The following TLN1 variants were observed in gnomAD, a reference collection of about 807,000 sequenced individuals.
TLN1 encodes the protein talin 1.
TLN1 carries 56 observed loss-of-function variants against 292.3 expected under a neutral mutation model. The ratio of observed to expected loss-of-function variants is 0.19; its 90% CI spans 0.15 to 0.24. TLN1 has a LOEUF of 0.24. Ranked by LOEUF, TLN1 falls within the 10% of genes least tolerant of loss-of-function variation. The pLI, the probability that TLN1 is intolerant of heterozygous loss-of-function variation, is 1.00. For missense variants in TLN1, 2,433 were observed against 3,248.2 expected, an observed-to-expected ratio of 0.75 and a Z score of 6.10; for synonymous variants, 1,119 against 1,253.7, an observed-to-expected ratio of 0.89 and a Z score of 2.27.
chr9:35,717,072 G>T lies in TLN1; in HGVS notation c.2458+74C>A, dbSNP rs958769275. The T allele has an allele frequency of 1.1e-5, 17 of 1,511,686 alleles. No individual in the cohort carries two copies. Among genetic ancestry groups the T allele is most frequent in the Non-Finnish European group, 8.9e-6 (10 of 1,122,832 alleles). The allele number at this position is 1,511,686 out of a possible 1,614,324, so 93.6% of individuals were successfully genotyped here. ...TCCTTGGGGTGAAGTGGTTAGGTCC[G>T]CAAGGGGATGATGTCCAGTGGGCTT... On this transcript the variant is annotated intron_variant, in intron 19 of 56. Transcript: ENST00000314888. This position sits in a 1 kb window ranked among gnomAD's most constrained non-coding sequence, Gnocchi z 4.7.
At position 35,719,449 on chromosome 9, in the gene TLN1, C is replaced by G; in HGVS notation, c.1687+70G>C. On this transcript the variant is annotated intron_variant, in intron 15 of 56. Transcript: ENST00000314888. This position sits in a 1 kb window ranked among gnomAD's most constrained non-coding sequence, Gnocchi z 4.6. ...AGGCACAGTCACACATGAAGCCAGTCACATGCATGCCTGTGCACACTTGCA... is the reference window on the plus strand; with the variant it reads ...AGGCACAGTCACACATGAAGCCAGTGACATGCATGCCTGTGCACACTTGCA... The G allele has an allele frequency of 7.0e-7, 1 of 1,428,794 alleles. No homozygotes were observed. The highest frequency in any genetic ancestry group is 9.9e-7 in the Non-Finnish European group (1 of 1,012,880). The allele number at this position is 1,428,794 out of a possible 1,614,324, so 88.5% of individuals were successfully genotyped here.
rs1246910293 is a variant in TLN1, at chr9:35,704,821, A to G, written c.5734-6T>C. Reference sequence around the variant, plus strand: ...TGTTTGATATGGGAACCTATCTGTGAGCCAAGGGAAAGACAGATGGATTTT... The same window carrying G: ...TGTTTGATATGGGAACCTATCTGTGGGCCAAGGGAAAGACAGATGGATTTT... On this transcript the variant is annotated splice_region_variant and splice_polypyrimidine_tract_variant and intron_variant, in intron 43 of 56. Transcript: ENST00000314888. This position sits in a 1 kb window ranked among gnomAD's most constrained non-coding sequence, Gnocchi z 6.9. 1 of 1,612,368 alleles carries G rather than the reference A, an allele frequency of 6.2e-7. No homozygotes were observed. The highest frequency in any genetic ancestry group is 8.5e-7 in the Non-Finnish European group (1 of 1,178,616).
chr9:35,716,489 A>G lies in TLN1; in HGVS notation c.2526T>C (p.Ala842=). ...ATSDLVNAIK[A]DAEGESDLEN... ...CCAGATCACTTTCCCCCTCAGCATC[A>G]GCCTTGATGGCATTGACCAGGTCAG... Residue 842 remains alanine, a synonymous_variant, in exon 20 of 57, where the codon GCT becomes GCC. Coordinates refer to ENST00000314888, the MANE Select transcript of TLN1 (RefSeq NM_006289.4). 2 of 1,614,224 alleles carry G rather than the reference A, an allele frequency of 1.2e-6. No homozygotes were observed. The highest frequency in any genetic ancestry group is 1.7e-6 in the Non-Finnish European group (2 of 1,180,044).
At chr9:35,708,743 G>T (rs1825608216) in intron 33 of TLN1, among the ~76,000 whole-genome samples, 1 of 152,166 alleles carries the variant, frequency 6.6e-6, no homozygotes, top group African/African-American at 2.4e-5. Flanking sequence ...ACATAGCAAG[G>T]GTTTTTATCC....
At chr9:35,708,279 AC>A in intron 34 of TLN1, 61 bp downstream of exon 34, 1 of 1,506,372 alleles carries the variant, frequency 6.6e-7, no homozygotes, top group Non-Finnish European at 8.9e-7. Flanking sequence ...ACCTCCCTCT[AC>A]TCCACGGGGT....
rs1490497104 is a variant in TLN1 at position 35,705,744 on chromosome 9, A to C, written c.5613+6T>G. 4.3e-6 allele frequency: 7 copies of C among 1,614,212 alleles called. No individual in the cohort carries two copies. Among genetic ancestry groups the C allele is most frequent in the Middle Eastern group, 1.6e-4 (1 of 6,062 alleles). On this transcript the variant is annotated splice_donor_region_variant and intron_variant, in intron 42 of 56. Transcript: ENST00000314888. ...GGGCAGTCCTCTGGGACTCGCCCAA[A>C]CTCACCATCTCCTGAACGGTCACTG...
chr9:35,699,095 A>T lies in TLN1; in HGVS notation c.6936T>A (p.Ala2312=), dbSNP rs370191540. The part of the protein sequence containing the change: ...TVIAENELLG[A]AAAIEAAAKK... ...TGGCTGCAGCCTCAATGGCGGCTGCAGCTCCCAGGAGCTCATTCTCAGCAA... is the reference window on the plus strand; with the variant it reads ...TGGCTGCAGCCTCAATGGCGGCTGCTGCTCCCAGGAGCTCATTCTCAGCAA... Residue 2312 remains alanine (A), a synonymous_variant, in exon 52 of 57, where the codon GCT becomes GCA. Coordinates refer to ENST00000314888, the MANE Select transcript of TLN1 (RefSeq NM_006289.4). The surrounding 1 kb of genome is among the most constrained non-coding windows in gnomAD (Gnocchi z 4.0). 6.2e-7 allele frequency: 1 copy of T among 1,613,960 alleles called. No homozygotes were observed.
intron 28 of TLN1, 80 bp downstream of exon 28, chr9:35,711,925 A>G: frequency 1.9e-6 from 3 of 1,594,974 alleles, no homozygotes; most frequent in Non-Finnish European, 2.6e-6. Flanking sequence ...AGTCAGGGTC[A>G]AAGGACAACC....
rs1825561289 is a variant in TLN1 at position 35,706,129 on chromosome 9, GA to G, written c.5362-19del. ...GCTGCTTGCTGTGGGGAGAGGAGAG[GA>G]GCTCTGTTGTTCCTGTTTCTCCAGC... On this transcript the variant is annotated intron_variant, in intron 40 of 56. Transcript: ENST00000314888. This position sits in a 1 kb window ranked among gnomAD's most constrained non-coding sequence, Gnocchi z 4.2. 1 of 1,613,596 alleles carries G rather than the reference GA, an allele frequency of 6.2e-7. No homozygotes were observed. The highest frequency in any genetic ancestry group is 1.7e-5 in the Admixed American group (1 of 59,980).
Position 35,712,912 on chromosome 9 carries a change from C to T in TLN1, c.3484G>A (p.Ala1162Thr), listed in dbSNP as rs143289726. The change falls in exon 27 of 57, where the codon GCC becomes ACC. Residue 1162 changes from alanine (A) to threonine (T), a missense_variant. Transcript: ENST00000314888. ...LDTASDVLDKASSLIEEAKKA... is the reference protein window; with the variant it reads ...LDTASDVLDKTSSLIEEAKKA... ...TTCGCCTCCTCAATGAGGCTGCTGGCCTTGTCCAGCACATCACTGGCCGTA... is the reference window on the plus strand; with the variant it reads ...TTCGCCTCCTCAATGAGGCTGCTGGTCTTGTCCAGCACATCACTGGCCGTA... The T allele has an allele frequency of 1.9e-6, 3 of 1,606,402 alleles. No homozygotes were observed. The highest frequency in any genetic ancestry group is 2.2e-5 in the East Asian group (1 of 44,630).
At chr9:35,705,711 C>A (rs1825552494) in intron 42 of TLN1, 39 bp downstream of exon 42, 1 of 1,613,944 alleles carries the variant, frequency 6.2e-7, no homozygotes, top group Non-Finnish European at 8.5e-7. Context: ...CCAAAGTCAG[C>A]TCTCCGAGGG....
At position 35,708,457 on chromosome 9, in the gene TLN1, G is replaced by A; in HGVS notation, c.4354C>T (p.Pro1452Ser). 1 of 1,595,780 alleles carries A rather than the reference G, an allele frequency of 6.3e-7. No individual in the cohort carries two copies. The highest frequency in any genetic ancestry group is 8.6e-7 in the Non-Finnish European group (1 of 1,168,970). ...CCTTGCTGTCCAGCTTGGCTATTGG[G>A]GTCAGAGACACCAACCAGATATGCA... ...QAAYLVGVSDPNSQAGQQGLV... is the reference protein window; with the variant it reads ...QAAYLVGVSDSNSQAGQQGLV... Residue 1452 changes from proline (P) to serine (S), a missense_variant, in exon 34 of 57, where the codon CCC becomes TCC. By Grantham distance (74) the Pro-to-Ser change is moderately conservative. Coordinates refer to ENST00000314888, the MANE Select transcript of TLN1 (RefSeq NM_006289.4).
Position 35,698,919 on chromosome 9 carries a change from G to T in TLN1, c.7014C>A (p.Ser2338=). ...CTAGTATCTGCTCCTCAAAGTTCAAGGACTCATCTGCCTCCTGCAATAAGC... is the reference window on the plus strand; with the variant it reads ...CTAGTATCTGCTCCTCAAAGTTCAATGACTCATCTGCCTCCTGCAATAAGC... The part of the protein sequence containing the change: ...PRAKPKEADE[S]LNFEEQILEA... The change falls in exon 53 of 57, where the codon TCC becomes TCA. Residue 2338 remains serine, a synonymous_variant. Transcript: ENST00000314888. This position sits in a 1 kb window ranked among gnomAD's most constrained non-coding sequence, Gnocchi z 5.3. 6.2e-7 allele frequency: 1 copy of T among 1,613,984 alleles called. No homozygotes were observed. The highest frequency in any genetic ancestry group is 1.1e-5 in the South Asian group (1 of 91,076).
rs769936744 is a variant in TLN1 at position 35,713,241 on chromosome 9, C to A, written c.3307G>T (p.Ala1103Ser). The change falls in exon 26 of 57, where the codon GCC becomes TCC. Residue 1103 changes from alanine to serine, a missense_variant. By Grantham distance (99) the Ala-to-Ser change is moderately conservative (BLOSUM62 1). This residue lies in a region of TLN1 where 1,384 missense variants were observed against 1,699.6 expected (regional missense o/e 0.81). Coordinates refer to ENST00000314888, the MANE Select transcript of TLN1 (RefSeq NM_006289.4). ...NSTKAVSSAIAQLLGEVAQGN... is the reference protein window; with the variant it reads ...NSTKAVSSAISQLLGEVAQGN... ...TGGGCAACCTCTCCCAGTAGCTGGG[C>A]GATGGCTGAGCTCACGGCTTTGGTG... 1 of 1,599,578 alleles carries A rather than the reference C, an allele frequency of 6.3e-7. No homozygotes were observed. The highest frequency in any genetic ancestry group is 8.6e-7 in the Non-Finnish European group (1 of 1,167,806).
In TLN1 at chr9:35,716,434, T is replaced by C; in HGVS notation, c.2581A>G (p.Lys861Glu). ...ENSRKLLSAA[K>E]ILADATAKMV... is the part of the protein sequence containing the mutation. ...TTGGCTGTGGCATCAGCTAGGATCTTGGCAGCACTTAAGAGCTTGCGGGAG... is the reference window on the plus strand; with the variant it reads ...TTGGCTGTGGCATCAGCTAGGATCTCGGCAGCACTTAAGAGCTTGCGGGAG... The change falls in exon 20 of 57, where the codon AAG (lysine) becomes GAG (glutamate). Residue 861 changes from lysine to glutamate, a missense_variant. Lys to Glu is a moderately conservative substitution (Grantham distance 56, BLOSUM62 1). Around this residue, in one of 7 missense-constraint regions of TLN1, gnomAD observed 617 missense variants for 770.6 expected, o/e 0.80. Transcript: ENST00000314888. 6.2e-7 allele frequency: 1 copy of C among 1,614,242 alleles called. No homozygotes were observed. The highest frequency in any genetic ancestry group is 8.5e-7 in the Non-Finnish European group (1 of 1,180,048).
chr9:35,724,409 T>C lies in TLN1; in HGVS notation c.512-75A>G, dbSNP rs1398228988. The C allele has an allele frequency of 1.9e-6, 3 of 1,594,614 alleles. No individual in the cohort carries two copies. The highest frequency in any genetic ancestry group is 2.6e-6 in the Non-Finnish European group (3 of 1,165,582). Reference sequence around the variant, plus strand: ...TGTCTGGTCTCTGTTTATTTCTGCATTTCCTACCTCCCCTCACTTAAATGT... The same window carrying C: ...TGTCTGGTCTCTGTTTATTTCTGCACTTCCTACCTCCCCTCACTTAAATGT... On this transcript the variant is annotated intron_variant, in intron 5 of 56. Coordinates refer to ENST00000314888, the MANE Select transcript of TLN1 (RefSeq NM_006289.4). The surrounding 1 kb of genome is among the most constrained non-coding windows in gnomAD (Gnocchi z 4.7).
At position 35,718,857 on chromosome 9, in the gene TLN1, C is replaced by T. The variant is rs1160917495; in HGVS notation, c.1950G>A (p.Glu650=). The part of the protein sequence containing the change: ...AAGNVGQASG[E]LLQQIGESDT... ...CACTTTCCCCAATTTGTTGCAACAG[C>T]TCCCCACTGGCCTGGCCCACGTTCC... The change falls in exon 17 of 57, where the codon GAG becomes GAA. Residue 650 remains glutamate (E), a synonymous_variant. Coordinates refer to ENST00000314888, the MANE Select transcript of TLN1 (RefSeq NM_006289.4). The T allele has an allele frequency of 2.5e-6, 4 of 1,613,622 alleles. No homozygotes were observed. The highest frequency in any genetic ancestry group is 1.3e-5 in the African/African-American group (1 of 74,894).
Position 35,717,553 on chromosome 9 carries a change from G to C in TLN1, c.2163+66C>G, listed in dbSNP as rs1224066960. The C allele has an allele frequency of 6.3e-7, 1 of 1,579,652 alleles. No individual in the cohort carries two copies. Among genetic ancestry groups the C allele is most frequent in the Admixed American group, 1.7e-5 (1 of 58,052 alleles). Reference sequence around the variant, plus strand: ...GCCTCCAGAGCCAAAGAAATAAAATGAAAGGCTCACGTGTGTGTGGTAGTA... The same window carrying C: ...GCCTCCAGAGCCAAAGAAATAAAATCAAAGGCTCACGTGTGTGTGGTAGTA... On this transcript the variant is annotated intron_variant, in intron 18 of 56. Transcript: ENST00000314888. This position sits in a 1 kb window ranked among gnomAD's most constrained non-coding sequence, Gnocchi z 4.7.
chr9:35,726,486 C>T (rs1198426718), intron 1 of TLN1, among the ~76,000 whole-genome samples: 2 of 152,222 alleles, frequency 1.3e-5, no homozygotes, highest in African/African-American at 4.8e-5. Context: ...ATTTTCAGAG[C>T]TCTCTTCTCA....
Sources: gnomAD v4.1 joint callset for allele counts (sites outside exome capture counted in the v4.1 genomes callset) on GRCh38, gnomAD v4.1.1 for gene constraint, gnomAD v4.1.1 regional missense constraint, Gnocchi (gnomAD v3.1) non-coding constraint, MANE v1.5 for transcripts, NCBI Gene and HGNC (gene_info 2026-07-23, HGNC 2026-07-21) for gene names.